The following SNX29 variants were observed in gnomAD, a reference collection of about 807,000 sequenced individuals.
SNX29 encodes the protein sorting nexin-29.
In SNX29, 78 loss-of-function variants were observed where a neutral mutation model predicts 102.1. The observed-to-expected ratio is 0.76, with a 90% CI of 0.64 to 0.92. SNX29 has a LOEUF of 0.92. Ranked by LOEUF, SNX29 falls within the 40% of genes least tolerant of loss-of-function variation. The pLI, the probability that SNX29 is intolerant of heterozygous loss-of-function variation, is 0.00. For missense variants in SNX29, 1,280 were observed against 1,061.7 expected (o/e 1.21, Z -2.86); for synonymous variants, 580 against 414.5 (o/e 1.40, Z -4.85).
At chr16:12,039,279 A>G (rs1287496742) in intron 4 of SNX29, among the ~76,000 whole-genome samples, 10 of 152,188 alleles carry the variant, frequency 6.6e-5, no homozygotes, top group Admixed American at 5.9e-4. Flanking sequence ...TAGTTACCCC[A>G]GTAACCCTGG....
At chr16:12,113,353 G>A (rs1219553901) in intron 11 of SNX29, among the ~76,000 whole-genome samples, 1 of 152,104 alleles carries the variant, frequency 6.6e-6, no homozygotes, top group Non-Finnish European at 1.5e-5. Flanking sequence ...TCGCCGAGCC[G>A]GGCTGGAACC....
At chr16:12,101,666 G>A (rs953689420) in intron 11 of SNX29, among the ~76,000 whole-genome samples, 4 of 152,108 alleles carry the variant, frequency 2.6e-5, no homozygotes, top group African/African-American at 9.7e-5. Flanking sequence ...TTGCTGGCAC[G>A]AGTCGCTGTG....
chr16:12,562,582 C>T (rs180766319), intron 20 of SNX29, among the ~76,000 whole-genome samples: 2 of 152,302 alleles, frequency 1.3e-5, no homozygotes, highest in East Asian at 1.9e-4. Flanking sequence ...AGTTTTTACC[C>T]AGAGACGGGG....
chr16:11,984,383 A>AAAAAAG (rs71139570), intron 1 of SNX29, among the ~76,000 whole-genome samples: 48,763 of 144,984 alleles, frequency 0.34, 8,907 homozygotes, highest in East Asian at 0.64. Context: ...TCAAAAAAAA[A>AAAAAAG]AAAAGAAAAG....
In SNX29 at chr16:12,025,302, C is replaced by CAAA. The variant is rs35724715; in HGVS notation, c.123-1998_123-1996dup. On this transcript the variant is annotated intron_variant, in intron 3 of 20. Transcript: ENST00000566228. ...GGGCAACAAGAGCAAAACTCCATCT[C>CAAA]AAAAAAAAAAAAAAAAAAAAAAGTG... Among the ~76,000 whole-genome samples, 183 of 60,550 alleles carry CAAA rather than the reference C, an allele frequency of 3.0e-3. 17 individuals are homozygous for CAAA. Among genetic ancestry groups the CAAA allele is most frequent in the Middle Eastern group, 0.02 (1 of 50 alleles). 39.7% of individuals were successfully genotyped at this position (60,550 alleles called of 152,430 possible).
chr16:12,565,535 A>C (rs896596462), intron 20 of SNX29, among the ~76,000 whole-genome samples: 1 of 152,054 alleles, frequency 6.6e-6, no homozygotes, highest in Non-Finnish European at 1.5e-5. Flanking sequence ...CATGGCCTCG[A>C]GGATTGAACC....
At chr16:12,104,554 TCAAA>T (rs1259204521) in intron 11 of SNX29, among the ~76,000 whole-genome samples, 5 of 151,184 alleles carry the variant, frequency 3.3e-5, no homozygotes, top group East Asian at 3.9e-4. Context: ...AGACTCCATC[TCAAA>T]CAAACAAACA....
intron 18 of SNX29, among the ~76,000 whole-genome samples, chr16:12,410,284 G>T (rs2084347498): frequency 6.6e-6 from 1 of 152,166 alleles, no homozygotes; most frequent in South Asian, 2.1e-4. Flanking sequence ...GTGAGCCACT[G>T]CGCCTGGCCG....
At chr16:12,178,974 T>A (rs562243608) in intron 13 of SNX29, among the ~76,000 whole-genome samples, 47 of 152,342 alleles carry the variant, frequency 3.1e-4, no homozygotes, top group African/African-American at 1.1e-3. Context: ...GCTTTGTATG[T>A]GAATGCTTTG....
At chr16:12,109,056 G>T (rs2053389298) in intron 11 of SNX29, among the ~76,000 whole-genome samples, 1 of 145,910 alleles carries the variant, frequency 6.9e-6, no homozygotes. Flanking sequence ...TGAACCTGGG[G>T]AGCAGAGGTT....
chr16:12,165,673 G>C (rs953938836), intron 13 of SNX29, among the ~76,000 whole-genome samples: 1 of 152,204 alleles, frequency 6.6e-6, no homozygotes, highest in Non-Finnish European at 1.5e-5. Context: ...CAGTTCTTCT[G>C]CCTCAGCCTC....
chr16:12,400,335 A>T (rs577864717), intron 17 of SNX29, among the ~76,000 whole-genome samples: 2 of 152,188 alleles, frequency 1.3e-5, no homozygotes, highest in East Asian at 3.9e-4. Context: ...TATTTTACCC[A>T]CTTAAACCAC....
intron 19 of SNX29, among the ~76,000 whole-genome samples, chr16:12,500,504 T>C (rs542457620): frequency 6.6e-6 from 1 of 152,344 alleles, no homozygotes; most frequent in African/African-American, 2.4e-5. Flanking sequence ...CATGCCGTTA[T>C]GTGGATGAGC....
chr16:12,361,284 G>C (rs2082292905), intron 16 of SNX29, among the ~76,000 whole-genome samples: 1 of 152,218 alleles, frequency 6.6e-6, no homozygotes, highest in African/African-American at 2.4e-5. Context: ...TCAGTGGGCA[G>C]TCAGGAACCA....
intron 16 of SNX29, among the ~76,000 whole-genome samples, chr16:12,376,757 A>AG (rs1422433229): frequency 6.7e-6 from 1 of 149,224 alleles, no homozygotes; most frequent in African/African-American, 2.4e-5. Context: ...AAAAAAAAAA[A>AG]AGAACAATTC....
intron 3 of SNX29, among the ~76,000 whole-genome samples, chr16:12,024,770 C>G (rs2057140824): frequency 6.6e-6 from 1 of 152,176 alleles, no homozygotes; most frequent in Non-Finnish European, 1.5e-5. Context: ...ACCAAGCAAA[C>G]TAATAGCAAT....
chr16:12,565,721 C>G (rs555538516), intron 20 of SNX29, among the ~76,000 whole-genome samples: 1 of 152,198 alleles, frequency 6.6e-6, no homozygotes, highest in East Asian at 1.9e-4. Flanking sequence ...CGGGTCTGCC[C>G]GGCTACAAGT....
At chr16:12,549,256 G>A (rs1255346524) in intron 20 of SNX29, among the ~76,000 whole-genome samples, 1 of 152,184 alleles carries the variant, frequency 6.6e-6, no homozygotes, top group Non-Finnish European at 1.5e-5. Flanking sequence ...AGCACTTTGG[G>A]AGGCTGAGGT....
chr16:12,160,247 T>G (rs1433619045), intron 13 of SNX29, among the ~76,000 whole-genome samples: 3 of 152,192 alleles, frequency 2.0e-5, no homozygotes, highest in Non-Finnish European at 4.4e-5. Context: ...ACTGTATTCA[T>G]GTTGCTGAGG....
Sources: gnomAD v4.1 joint callset for allele counts (sites outside exome capture counted in the v4.1 genomes callset) on GRCh38, gnomAD v4.1.1 for gene constraint, MANE v1.5 for transcripts, NCBI Gene and HGNC (gene_info 2026-07-23, HGNC 2026-07-21) for gene names.